Variants in TRPM4 observed in about 807,000 individuals in gnomAD.
The protein encoded by TRPM4 is transient receptor potential cation channel subfamily M member 4.
In TRPM4, 124 loss-of-function variants were observed where a neutral mutation model predicts 135.6. The ratio of observed to expected loss-of-function variants is 0.91; its 90% confidence interval spans 0.79 to 1.06. TRPM4 has a LOEUF of 1.06. Ranked by LOEUF, TRPM4 falls within the 50% of genes least tolerant of loss-of-function variation. The pLI is 0.00. For missense variants in TRPM4, 1,658 were observed against 1,671.4 expected, an observed-to-expected ratio of 0.99 and a Z score of 0.14; for synonymous variants, 745 against 705.6, an observed-to-expected ratio of 1.06 and a Z score of -0.88.
intron 9 of TRPM4, among the ~76,000 whole-genome samples, chr19:49,175,723 C>A (rs1334460016): frequency 6.7e-6 from 1 of 149,086 alleles, no homozygotes; most frequent in African/African-American, 2.5e-5. Flanking sequence ...TGCAGTGGCG[C>A]GATCTCGGCT....
chr19:49,191,949 C>T (rs1040724524), intron 16 of TRPM4, among the ~76,000 whole-genome samples: 1 of 152,184 alleles, frequency 6.6e-6, no homozygotes. Context: ...GAGGCCATCA[C>T]CAGAAATTGA....
At chr19:49,164,364 GTTTTTTTTTTTTTTTT>G (rs869232937) in intron 2 of TRPM4, among the ~76,000 whole-genome samples, 24 of 16,266 alleles carry the variant, frequency 1.5e-3, no homozygotes, top group African/African-American at 2.5e-3. Flanking sequence ...TCTTTCCTTA[GTTTTTTTTTTTTTTTT>G]TTTTTTTTTT....
At chr19:49,192,244 G>A (rs929241693) in intron 16 of TRPM4, among the ~76,000 whole-genome samples, 4 of 152,146 alleles carry the variant, frequency 2.6e-5, no homozygotes, top group African/African-American at 9.7e-5. Context: ...CTGAGTTCAA[G>A]CGATTCTCCT....
In TRPM4 at chr19:49,189,231, C is replaced by G; in HGVS notation, c.2019+140C>G. ...AGATCCCCCAGAAAGTCTCTCTTCT[C>G]TCTCAGAAAGGCTGCTCTTCCCATA... On this transcript the variant is annotated intron_variant, in intron 14 of 24. Coordinates refer to ENST00000252826, the MANE Select transcript of TRPM4 (RefSeq NM_017636.4). The G allele has an allele frequency of 7.7e-6, 10 of 1,306,682 alleles. No individual in the cohort carries two copies. The South Asian group carries it at 1.1e-4, about 15-fold the overall frequency. The allele number at this position is 1,306,682 out of a possible 1,614,324, so 80.9% of individuals were successfully genotyped here.
chr19:49,178,762 T>TATCA (rs11446693), intron 9 of TRPM4, among the ~76,000 whole-genome samples: 1 of 149,548 alleles, frequency 6.7e-6, no homozygotes, highest in African/African-American at 2.5e-5. Flanking sequence ...TTATTTTTAT[T>TATCA]TTTTTATTTT....
rs1331293220 is a variant in TRPM4, at chr19:49,182,476, C to A, written c.1264-102C>A. 12 of 843,534 alleles carry A rather than the reference C, an allele frequency of 1.4e-5. No homozygotes were observed. The African/African-American group carries it at 2.0e-4, about 14-fold the overall frequency. 52.3% of individuals were successfully genotyped at this position (843,534 alleles called of 1,614,324 possible). On this transcript the variant is annotated intron_variant, in intron 10 of 24. Coordinates refer to ENST00000252826, the MANE Select transcript of TRPM4 (RefSeq NM_017636.4). ...CCCATCCATCCATCCATCCATCCAT[C>A]CATCCATCCATCCATCCATCCATCC...
At chr19:49,159,304 A>C (rs1403150664) in intron 2 of TRPM4, 3 of 151,762 alleles carry the variant, frequency 2.0e-5, no homozygotes, top group Admixed American at 2.0e-4. Context: ...TACTGGGATT[A>C]CAGGCGTGAG....
In TRPM4 at chr19:49,181,447, G is replaced by T. The variant is rs771838095; in HGVS notation, c.1249G>T (p.Asp417Tyr). 3 of 1,613,188 alleles carry T rather than the reference G, an allele frequency of 1.9e-6. No homozygotes were observed. In the East Asian group the frequency reaches 6.7e-5, roughly 36 times the overall value. ...TGCCCAGAGTGAACTCTTTCGGGGG[G>T]ACATCCAATGGCGGGTGAGGGGTCA... The part of the protein sequence containing the change: ...DIAQSELFRG[D>Y]IQWRSFHLEA... Residue 417 changes from aspartate (D) to tyrosine (Y), a missense_variant, in exon 10 of 25, where the codon GAC becomes TAC. By Grantham distance (160) the Asp-to-Tyr change is radical. This residue lies in a region of TRPM4 where 1,412 missense variants were observed against 1,408.7 expected (regional missense o/e 1.00). Transcript: ENST00000252826.
chr19:49,193,580 C>G (rs1303045020), intron 16 of TRPM4, among the ~76,000 whole-genome samples: 2 of 152,098 alleles, frequency 1.3e-5, no homozygotes. Flanking sequence ...CCACTGAGAG[C>G]TCTGTTGAAG....
rs2041554868 is a variant in TRPM4, at chr19:49,158,241, T to G, written c.74T>G (p.Val25Gly). ...FKKKTCTTFI[V>G]DSTDPGGTLC... is the part of the protein sequence containing the mutation. Reference sequence around the variant, plus strand: ...AAGAAGACCTGCACGACGTTCATAGTTGACTCCACAGATCCGGGGTGAGGA... The same window carrying G: ...AAGAAGACCTGCACGACGTTCATAGGTGACTCCACAGATCCGGGGTGAGGA... The change falls in exon 2 of 25, where the codon GTT becomes GGT. Residue 25 changes from valine (V) to glycine (G), a missense_variant. This residue lies in a region of TRPM4 where 239 missense variants were observed against 240.1 expected (regional missense o/e 1.00). Transcript: ENST00000252826. 6.2e-7 allele frequency: 1 copy of G among 1,613,932 alleles called. No individual in the cohort carries two copies. The highest frequency in any genetic ancestry group is 8.5e-7 in the Non-Finnish European group (1 of 1,179,978).
In TRPM4 at chr19:49,171,547, G is replaced by C; in HGVS notation, c.859-31G>C. On this transcript the variant is annotated intron_variant, in intron 7 of 24. Transcript: ENST00000252826. The surrounding 1 kb of genome is among the most constrained non-coding windows in gnomAD (Gnocchi z 4.7). ...GGGTGAATATCCTGCCTTTTCTGACGTGATGAATAAAGAATGCCTTTATCC... is the reference window on the plus strand; with the variant it reads ...GGGTGAATATCCTGCCTTTTCTGACCTGATGAATAAAGAATGCCTTTATCC... 2 of 1,613,676 alleles carry C rather than the reference G, an allele frequency of 1.2e-6. No homozygotes were observed. The highest frequency in any genetic ancestry group is 2.2e-5 in the South Asian group (2 of 91,070).
intron 16 of TRPM4, among the ~76,000 whole-genome samples, chr19:49,194,045 C>T (rs895514142): frequency 1.4e-5 from 2 of 147,698 alleles, no homozygotes; most frequent in African/African-American, 2.6e-5. Flanking sequence ...TGCTCCTCCG[C>T]CTTCTCCTCA....
At chr19:49,165,937 TG>T in intron 2 of TRPM4, 103 bp from the exon 3 acceptor site, 1 of 1,189,264 alleles carries the variant, frequency 8.4e-7, no homozygotes, top group African/African-American at 1.5e-5. Flanking sequence ...TCTGTGGGTG[TG>T]GACTCAGTGT....
intron 12 of TRPM4, among the ~76,000 whole-genome samples, chr19:49,187,068 A>G (rs1392205506): frequency 6.6e-6 from 1 of 152,048 alleles, no homozygotes; most frequent in Non-Finnish European, 1.5e-5. Context: ...GACCCACACC[A>G]GGAATGTGTG....
At chr19:49,183,026 T>G in intron 11 of TRPM4, 52 bp from the exon 12 acceptor site, 1 of 1,604,766 alleles carries the variant, frequency 6.2e-7, no homozygotes, top group Non-Finnish European at 8.5e-7. Context: ...GGGCTGGTGG[T>G]GGCCAGTGTT....
chr19:49,187,673 G>A (rs1451166820), intron 12 of TRPM4, among the ~76,000 whole-genome samples: 1 of 152,174 alleles, frequency 6.6e-6, no homozygotes, highest in African/African-American at 2.4e-5. Flanking sequence ...AAAGTGTAAT[G>A]GAGAAAGAGT....
At chr19:49,161,408 G>A (rs1966959961) in intron 2 of TRPM4, among the ~76,000 whole-genome samples, 1 of 134,858 alleles carries the variant, frequency 7.4e-6, no homozygotes, top group Non-Finnish European at 1.5e-5. Flanking sequence ...CTGCAGCCTT[G>A]ACCTGCTGGG....
intron 9 of TRPM4, among the ~76,000 whole-genome samples, chr19:49,178,103 G>T (rs1258766821): frequency 1.3e-5 from 2 of 152,218 alleles, no homozygotes; most frequent in Non-Finnish European, 1.5e-5. Context: ...GACTAAGGAA[G>T]GAGGTTCGCT....
At chr19:49,203,368 A>G (rs1189234039) in intron 20 of TRPM4, among the ~76,000 whole-genome samples, 1 of 151,060 alleles carries the variant, frequency 6.6e-6, no homozygotes, top group Non-Finnish European at 1.5e-5. Flanking sequence ...TTTAGTAGAG[A>G]TGGGGTTTCA....
Sources: allele counts gnomAD v4.1 joint callset (sites outside exome capture counted in the v4.1 genomes callset), GRCh38; gene constraint gnomAD v4.1.1; regional missense constraint gnomAD v4.1.1; non-coding constraint Gnocchi (gnomAD v3.1); transcripts MANE v1.5; gene names NCBI Gene and HGNC (gene_info 2026-07-23, HGNC 2026-07-21).